The following TRIM2 variants were observed in gnomAD, a reference collection of about 807,000 sequenced individuals.
TRIM2 encodes the protein tripartite motif containing 2, also known as tripartite motif-containing protein 2.
Under a neutral mutation model 75.2 loss-of-function variants are expected in TRIM2, and 20 were observed. The observed-to-expected ratio is 0.27, with a 90% CI of 0.19 to 0.39. The LOEUF (loss-of-function observed/expected upper bound fraction) is 0.39. Among genes scored for constraint, TRIM2 ranks in the 10% least tolerant of loss-of-function variants. The probability of loss-of-function intolerance (pLI) is 1.00; values close to 1 mark genes in which losing one functional copy is unlikely to be tolerated. For synonymous variants in TRIM2, 373 were observed against 388.3 expected, an observed-to-expected ratio of 0.96 and a Z score of 0.46; for missense variants, 660 against 990.8, an observed-to-expected ratio of 0.67 and a Z score of 4.48.
intron 1 of TRIM2, among the ~76,000 whole-genome samples, chr4:153,261,251 C>T (rs964787194): frequency 6.6e-5 from 10 of 152,146 alleles, no homozygotes; most frequent in Non-Finnish European, 1.5e-4. Flanking sequence ...GTGACACCCT[C>T]TCGCTACTAA....
upstream of TRIM2, chr4:153,204,319 C>A: frequency 1.7e-6 from 1 of 596,514 alleles, no homozygotes; most frequent in African/African-American, 1.9e-5. Context: ...AACACAATAT[C>A]TTAAGCAAAC....
rs1772256959 is a variant in TRIM2 at position 153,334,810 on chromosome 4, A to G, written c.2164-4A>G. Reference sequence around the variant, plus strand: ...TAACATTCTGACTTCCTATTTGTTTACAGGTTTTTGATGGGAGTGGATCAT... The same window carrying G: ...TAACATTCTGACTTCCTATTTGTTTGCAGGTTTTTGATGGGAGTGGATCAT... On this transcript the variant is annotated splice_region_variant and splice_polypyrimidine_tract_variant and intron_variant, in intron 11 of 11. Transcript: ENST00000338700. The G allele has an allele frequency of 6.2e-7, 1 of 1,607,968 alleles. No homozygotes were observed. Among genetic ancestry groups the G allele is most frequent in the Non-Finnish European group, 8.5e-7 (1 of 1,175,686 alleles).
At chr4:153,202,757 G>T (rs371095995), upstream of TRIM2, among the ~76,000 whole-genome samples, 24 of 151,282 alleles carry the variant, frequency 1.6e-4, no homozygotes, top group East Asian at 3.3e-3. Flanking sequence ...TTACTTTCTG[G>T]TTCTTGGTTA....
intron 3 of TRIM2, among the ~76,000 whole-genome samples, chr4:153,285,411 T>G (rs1760377411): frequency 6.6e-6 from 1 of 152,206 alleles, no homozygotes; most frequent in African/African-American, 2.4e-5. Flanking sequence ...TTTTGGCTAT[T>G]TAGTAGTTTT....
chr4:153,320,812 T>C (rs1013041679), intron 8 of TRIM2, among the ~76,000 whole-genome samples: 14 of 145,986 alleles, frequency 9.6e-5, no homozygotes, highest in African/African-American at 3.7e-4. Flanking sequence ...TTTGTATTTT[T>C]AGTAGAGATG....
chr4:153,258,481 C>A (rs1378277056), intron 1 of TRIM2, among the ~76,000 whole-genome samples: 1 of 151,884 alleles, frequency 6.6e-6, no homozygotes. Flanking sequence ...TGTGTCAGAG[C>A]TTTTTCTACA....
At chr4:153,207,614 A>G (rs1180218825) in intron 1 of TRIM2, among the ~76,000 whole-genome samples, 3 of 152,222 alleles carry the variant, frequency 2.0e-5, no homozygotes, top group Admixed American at 6.5e-5. Context: ...GCATCTAACG[A>G]CAGTCCTAAA....
At chr4:153,206,650 G>A (rs1029891415) in intron 1 of TRIM2, among the ~76,000 whole-genome samples, 1 of 152,002 alleles carries the variant, frequency 6.6e-6, no homozygotes, top group Non-Finnish European at 1.5e-5. Flanking sequence ...ATTGGCCATC[G>A]GTGATTGAGT....
rs150790588 is a variant in TRIM2, at chr4:153,170,629, C to T, written c.-49+17359C>T. Among the ~76,000 whole-genome samples the T allele has an allele frequency of 3.3e-5, 5 of 152,228 alleles. No homozygotes were observed. The East Asian group carries it at 9.7e-4, about 29-fold the overall frequency. ...CCCACAAGCTAAATTGTAGGCAAGC[C>T]CTGGAGCTTTTACTCCTCTTGGGAA... On this transcript the variant is annotated intron_variant, in intron 1 of 11. Transcript: ENST00000437508.
chr4:153,222,006 A>AGAGCGAG (rs1346517191), intron 1 of TRIM2, among the ~76,000 whole-genome samples: 6 of 42,920 alleles, frequency 1.4e-4, no homozygotes, highest in Admixed American at 3.4e-4. Flanking sequence ...AAGGAAGGAA[A>AGAGCGAG]GAAGGAAGGA....
chr4:153,259,168 C>T (rs1255595982), intron 1 of TRIM2, among the ~76,000 whole-genome samples: 7 of 152,166 alleles, frequency 4.6e-5, no homozygotes, highest in Non-Finnish European at 1.0e-4. Flanking sequence ...ATAACCCACA[C>T]ATTTTTTAAA....
intron 1 of TRIM2, among the ~76,000 whole-genome samples, chr4:153,232,054 G>GA (rs1207550733): frequency 6.6e-6 from 1 of 151,548 alleles, no homozygotes; most frequent in African/African-American, 2.4e-5. Context: ...TCCAAAATAT[G>GA]AAAAAAAACC....
At chr4:153,246,593 G>T (rs1285087399) in intron 1 of TRIM2, among the ~76,000 whole-genome samples, 1 of 152,330 alleles carries the variant, frequency 6.6e-6, no homozygotes, top group Non-Finnish European at 1.5e-5. Flanking sequence ...TCCTAACACA[G>T]TGCCTAGCAC....
chr4:153,335,357 A>G lies in TRIM2; in HGVS notation c.*391A>G, dbSNP rs1348339601. On this transcript the variant is annotated 3_prime_UTR_variant, in exon 12 of 12. Transcript: ENST00000338700. Reference sequence around the variant, plus strand: ...CTTCCAAAAGCAAAACAAAAACAAAATCTATTGTAGTTATATACTTCATTT... The same window carrying G: ...CTTCCAAAAGCAAAACAAAAACAAAGTCTATTGTAGTTATATACTTCATTT... The G allele has an allele frequency of 1.5e-5, 15 of 990,488 alleles. No homozygotes were observed. In the East Asian group the frequency reaches 1.4e-3, roughly 95 times the overall value. The allele number at this position is 990,488 out of a possible 1,614,324, so 61.4% of individuals were successfully genotyped here. A position where few individuals can be genotyped will look rare whatever the true frequency, so the allele number is the denominator to read the frequency against.
intron 1 of TRIM2, among the ~76,000 whole-genome samples, chr4:153,247,013 A>G (rs1749358812): frequency 6.6e-6 from 1 of 152,200 alleles, no homozygotes; most frequent in South Asian, 2.1e-4. Context: ...TCTCATGTCC[A>G]GAGACGATGA....
chr4:153,229,382 G>T (rs997822777), intron 1 of TRIM2, among the ~76,000 whole-genome samples: 3 of 152,150 alleles, frequency 2.0e-5, no homozygotes, highest in Non-Finnish European at 2.9e-5. Flanking sequence ...TCCTGCCTCA[G>T]CCTCCCAAGT....
chr4:153,287,940 G>A (rs1157773377), intron 3 of TRIM2, among the ~76,000 whole-genome samples: 2 of 151,988 alleles, frequency 1.3e-5, no homozygotes, highest in Non-Finnish European at 2.9e-5. Context: ...AATCCCTTTG[G>A]CATGACTTGT....
intron 2 of TRIM2, among the ~76,000 whole-genome samples, chr4:153,273,368 C>T (rs35526400): frequency 0.13 from 18,658 of 145,502 alleles, 1,599 homozygotes; most frequent in African/African-American, 0.25. Context: ...CTCCACCTCC[C>T]GGGTTCACGC....
chr4:153,328,193 G>T (rs1463048845), intron 10 of TRIM2, among the ~76,000 whole-genome samples: 2 of 152,148 alleles, frequency 1.3e-5, no homozygotes, highest in Non-Finnish European at 2.9e-5. Flanking sequence ...TTCTTTAAAG[G>T]TGGGAAGAAT....
Sources: allele counts gnomAD v4.1 joint callset (sites outside exome capture counted in the v4.1 genomes callset), GRCh38; gene constraint gnomAD v4.1.1; transcripts MANE v1.5; gene names NCBI Gene and HGNC (gene_info 2026-07-23, HGNC 2026-07-21).